Variants in SNRK observed in about 807,000 individuals in gnomAD.
The protein encoded by SNRK is SNF related kinase.
A neutral mutation model predicts 48.2 loss-of-function variants in SNRK; 3 were observed. The observed-to-expected ratio is 0.06, with a 90% CI of 0.03 to 0.16. The LOEUF (loss-of-function observed/expected upper bound fraction) is 0.16. SNRK is among the 10% of genes least tolerant of loss of function. The pLI, the probability that SNRK is intolerant of heterozygous loss-of-function variation, is 1.00. For synonymous variants in SNRK, 376 were observed against 366.1 expected, an observed-to-expected ratio of 1.03 and a Z score of -0.31; for missense variants, 627 against 976.0, an observed-to-expected ratio of 0.64 and a Z score of 4.76.
chr3:43,305,775 G>A (rs533472091), intron 3 of SNRK, among the ~76,000 whole-genome samples: 6 of 152,176 alleles, frequency 3.9e-5, no homozygotes, highest in African/African-American at 1.4e-4. Flanking sequence ...ATGAGCCACC[G>A]CACCCAGCCA....
chr3:43,328,844 G>T (rs562231198), intron 3 of SNRK, among the ~76,000 whole-genome samples: 3 of 152,226 alleles, frequency 2.0e-5, no homozygotes, highest in African/African-American at 7.2e-5. Context: ...GGCTTGGGAG[G>T]CTTGTAAGGG....
chr3:43,343,229 T>G, intron 5 of SNRK, 115 bp from the exon 6 acceptor site: 1 of 1,344,998 alleles, frequency 7.4e-7, no homozygotes, highest in Non-Finnish European at 9.8e-7. Context: ...TTTGCATAAT[T>G]TTAAAGATTC....
chr3:43,328,810 AATTTCC>A (rs2091123031), intron 3 of SNRK, among the ~76,000 whole-genome samples: 1 of 152,050 alleles, frequency 6.6e-6, no homozygotes, highest in Non-Finnish European at 1.5e-5. Flanking sequence ...CTGTTTCACT[AATTTCC>A]ACTGGAGCAT....
intron 5 of SNRK, chr3:43,343,093 G>A: frequency 2.6e-6 from 1 of 384,896 alleles, no homozygotes; most frequent in Non-Finnish European, 4.6e-6. Flanking sequence ...GCTGCTGTTG[G>A]CATTTTGGAT....
chr3:43,316,165 A>G (rs1157253178), intron 3 of SNRK, among the ~76,000 whole-genome samples: 1 of 152,218 alleles, frequency 6.6e-6, no homozygotes, highest in Non-Finnish European at 1.5e-5. Context: ...AATCATTTAT[A>G]TGTTTTTTAT....
At chr3:43,297,436 C>G (rs1297490747) in intron 1 of SNRK, among the ~76,000 whole-genome samples, 3 of 152,120 alleles carry the variant, frequency 2.0e-5, no homozygotes, top group African/African-American at 7.2e-5. Context: ...ACCCTGACAT[C>G]CCCCCAAGCC....
chr3:43,324,494 G>A (rs2091079957), intron 3 of SNRK, among the ~76,000 whole-genome samples: 2 of 147,478 alleles, frequency 1.4e-5, no homozygotes, highest in Non-Finnish European at 1.5e-5. Context: ...GGGTGATAGG[G>A]TGAGACTCTG....
At chr3:43,334,548 G>A (rs761065245) in intron 4 of SNRK, among the ~76,000 whole-genome samples, 5 of 150,876 alleles carry the variant, frequency 3.3e-5, no homozygotes, top group South Asian at 4.2e-4. Context: ...TAAGGGACAT[G>A]TCTGCTTTAT....
intron 3 of SNRK, among the ~76,000 whole-genome samples, chr3:43,326,830 G>A (rs1404420191): frequency 1.3e-5 from 2 of 152,164 alleles, no homozygotes; most frequent in African/African-American, 4.8e-5. Flanking sequence ...GATGAATTAA[G>A]ATCTGGGAAA....
At chr3:43,317,482 A>G (rs1390727768) in intron 3 of SNRK, among the ~76,000 whole-genome samples, 3 of 152,186 alleles carry the variant, frequency 2.0e-5, no homozygotes, top group Admixed American at 6.5e-5. Flanking sequence ...GTACAATTCA[A>G]GTTGGATCAT....
At chr3:43,306,215 A>T (rs1169942378) in intron 3 of SNRK, among the ~76,000 whole-genome samples, 1 of 151,784 alleles carries the variant, frequency 6.6e-6, no homozygotes, top group Non-Finnish European at 1.5e-5. Flanking sequence ...GATTGAAATA[A>T]ATATAGAATT....
At chr3:43,329,176 T>A (rs1053442196) in intron 3 of SNRK, among the ~76,000 whole-genome samples, 1 of 152,010 alleles carries the variant, frequency 6.6e-6, no homozygotes, top group Admixed American at 6.6e-5. Context: ...AAAAGTAAAG[T>A]AAGAAGAGAA....
At chr3:43,333,565 T>C (rs966760856) in intron 4 of SNRK, among the ~76,000 whole-genome samples, 4 of 152,046 alleles carry the variant, frequency 2.6e-5, no homozygotes, top group Non-Finnish European at 5.9e-5. Context: ...TGATTATTTT[T>C]ATGACGTTAC....
chr3:43,296,544 A>G (rs1452483858), intron 1 of SNRK, among the ~76,000 whole-genome samples: 1 of 151,802 alleles, frequency 6.6e-6, no homozygotes, highest in East Asian at 1.9e-4. Flanking sequence ...AAGCTATAGA[A>G]GTAGTACAAT....
At chr3:43,290,701 A>C (rs995071553) in intron 1 of SNRK, among the ~76,000 whole-genome samples, 1 of 152,204 alleles carries the variant, frequency 6.6e-6, no homozygotes, top group African/African-American at 2.4e-5. Flanking sequence ...GTAATTTGTT[A>C]AACCATCATC....
At chr3:43,344,083 T>C (rs2091257099) in intron 6 of SNRK, among the ~76,000 whole-genome samples, 1 of 152,122 alleles carries the variant, frequency 6.6e-6, no homozygotes, top group Admixed American at 6.5e-5. Flanking sequence ...TGAATTAATA[T>C]ATGTAAAGCA....
At chr3:43,300,882 T>C (rs983527007) in intron 2 of SNRK, among the ~76,000 whole-genome samples, 11 of 152,260 alleles carry the variant, frequency 7.2e-5, no homozygotes, top group Non-Finnish European at 1.6e-4. Flanking sequence ...GGTTCTGAAA[T>C]CAGTTTGCAG....
intron 1 of SNRK, among the ~76,000 whole-genome samples, chr3:43,287,043 C>G (rs1198483943): frequency 2.7e-5 from 4 of 150,254 alleles, no homozygotes; most frequent in African/African-American, 4.9e-5. Context: ...CGGAGCGGGC[C>G]GAGTGCGGCG....
At chr3:43,294,793 T>G (rs1291598025) in intron 1 of SNRK, among the ~76,000 whole-genome samples, 1 of 152,054 alleles carries the variant, frequency 6.6e-6, no homozygotes, top group Non-Finnish European at 1.5e-5. Flanking sequence ...TATCAAAATA[T>G]TAGGAGGAAT....
Sources: gnomAD v4.1 joint callset for allele counts (sites outside exome capture counted in the v4.1 genomes callset) on GRCh38, gnomAD v4.1.1 for gene constraint, MANE v1.5 for transcripts, NCBI Gene and HGNC (gene_info 2026-07-23, HGNC 2026-07-21) for gene names.